The following MAGI2 variants were observed in gnomAD, a reference collection of about 807,000 sequenced individuals.
MAGI2 encodes membrane-associated guanylate kinase, WW and PDZ domain-containing protein 2.
Under a neutral mutation model 133.3 loss-of-function variants are expected in MAGI2, and 35 were observed. That is an observed-to-expected ratio of 0.26 (90% confidence interval 0.20 to 0.35). The LOEUF is 0.35. Ranked by LOEUF, MAGI2 falls within the 10% of genes least tolerant of loss-of-function variation. MAGI2 has a pLI of 1.00. For missense variants in MAGI2, 1,636 were observed against 1,863.4 expected (o/e 0.88, Z 2.25); for synonymous variants, 729 against 710.6 (o/e 1.03, Z -0.41).
At chr7:78,469,220 G>A (rs1357105837) in intron 6 of MAGI2, among the ~76,000 whole-genome samples, 3 of 152,090 alleles carry the variant, frequency 2.0e-5, no homozygotes, top group African/African-American at 7.2e-5. Flanking sequence ...ATAGGCTAAC[G>A]TAACTGACTA....
intron 2 of MAGI2, among the ~76,000 whole-genome samples, chr7:78,972,259 A>T (rs1364509135): frequency 6.6e-6 from 1 of 151,948 alleles, no homozygotes; most frequent in Non-Finnish European, 1.5e-5. Flanking sequence ...TTCTCTAAAT[A>T]TTTTTAAAAA....
intron 1 of MAGI2, among the ~76,000 whole-genome samples, chr7:79,259,323 A>T (rs1833914886): frequency 1.3e-5 from 2 of 152,226 alleles, no homozygotes; most frequent in South Asian, 2.1e-4. Context: ...TTTTAAGCTG[A>T]ATGGCACCTT....
intron 1 of MAGI2, among the ~76,000 whole-genome samples, chr7:79,008,191 A>G (rs1562780473): frequency 6.6e-6 from 1 of 152,166 alleles, no homozygotes; most frequent in Non-Finnish European, 1.5e-5. Context: ...ACAAACAATT[A>G]AAGATAGAAG....
chr7:78,935,010 T>A (rs192319540), intron 2 of MAGI2, among the ~76,000 whole-genome samples: 169 of 152,282 alleles, frequency 1.1e-3, no homozygotes, highest in Admixed American at 2.1e-3. Flanking sequence ...TCCCCAGGTA[T>A]TTGCTTCAGT....
chr7:78,241,786 T>C (rs1158781848), intron 10 of MAGI2, among the ~76,000 whole-genome samples: 3 of 151,742 alleles, frequency 2.0e-5, no homozygotes, highest in African/African-American at 7.2e-5. Context: ...TAAAAAAAAT[T>C]AGCAGGGTGT....
At chr7:78,763,242 T>A (rs139385746) in intron 2 of MAGI2, among the ~76,000 whole-genome samples, 4,675 of 152,300 alleles carry the variant, frequency 0.031, 93 homozygotes, top group Non-Finnish European at 0.047. Flanking sequence ...GAAAGACTTA[T>A]GATTCCCAGA....
At chr7:78,203,756 AATT>A (rs1470930279) in intron 10 of MAGI2, among the ~76,000 whole-genome samples, 2 of 152,232 alleles carry the variant, frequency 1.3e-5, no homozygotes, top group Non-Finnish European at 2.9e-5. Context: ...GTATCTGTCA[AATT>A]ATTAATCATG....
rs182146704 is a variant in MAGI2 at position 78,840,810 on chromosome 7, A to G, written c.418+166280T>C. Among the ~76,000 whole-genome samples, 1,014 of 144,492 alleles carry G rather than the reference A, an allele frequency of 7.0e-3. 11 individuals carry two copies. Among genetic ancestry groups the G allele is most frequent in the African/African-American group, 0.024 (961 of 39,374 alleles). 94.8% of individuals were successfully genotyped at this position (144,492 alleles called of 152,430 possible). ...ATTTATTAGCTGTGTACCCTTGGGC[A>G]AATTATTAAAACTTTCTGAATCTCC... On this transcript the variant is annotated intron_variant, in intron 2 of 21. Coordinates refer to ENST00000354212, the MANE Select transcript of MAGI2 (RefSeq NM_012301.4).
chr7:79,126,037 T>C lies in MAGI2; in HGVS notation c.302-118831A>G, dbSNP rs563795001. Among the ~76,000 whole-genome samples, 11 of 152,368 alleles carry C rather than the reference T, an allele frequency of 7.2e-5. No individual in the cohort carries two copies. The South Asian group carries it at 2.1e-3, about 29-fold the overall frequency. On this transcript the variant is annotated intron_variant, in intron 1 of 21. Coordinates refer to ENST00000354212, the MANE Select transcript of MAGI2 (RefSeq NM_012301.4). ...TATAACAGGTTATTTTAGTTTCTGT[T>C]CTGTGAAAAGTGTAAAGCATTCCAA...
In MAGI2 at chr7:79,058,840, T is replaced by G. The variant is rs1264207215; in HGVS notation, c.302-51634A>C. Among the ~76,000 whole-genome samples, 6 of 152,264 alleles carry G rather than the reference T, an allele frequency of 3.9e-5. No individual in the cohort carries two copies. The South Asian group carries it at 1.2e-3, about 31-fold the overall frequency. ...TTAGGCAGAGTTAAAATACCAGTGA[T>G]GCAGGGCACCCCTGGGTAAATTACT... On this transcript the variant is annotated intron_variant, in intron 1 of 21. Transcript: ENST00000354212.
At chr7:78,740,166 A>C (rs544540185) in intron 2 of MAGI2, among the ~76,000 whole-genome samples, 93 of 151,886 alleles carry the variant, frequency 6.1e-4, no homozygotes, top group African/African-American at 1.4e-3. Flanking sequence ...GTCTAAAAAA[A>C]AAAAAACAAA....
intron 21 of MAGI2, among the ~76,000 whole-genome samples, chr7:78,058,003 A>ATATATATATATATATGTGTG: frequency 8.5e-6 from 1 of 117,028 alleles, no homozygotes. Flanking sequence ...ATATATATAT[A>ATATATATATATATATGTGTG]TGTATGAGAA....
chr7:78,099,088 T>C (rs960918138), intron 20 of MAGI2, among the ~76,000 whole-genome samples: 2 of 152,156 alleles, frequency 1.3e-5, no homozygotes, highest in Non-Finnish European at 2.9e-5. Context: ...TTAAGAACAA[T>C]ACCTATGCTT....
intron 1 of MAGI2, among the ~76,000 whole-genome samples, chr7:79,260,337 C>G (rs1585356218): frequency 6.6e-6 from 1 of 151,968 alleles, no homozygotes; most frequent in Non-Finnish European, 1.5e-5. Flanking sequence ...GCCTGGGTGA[C>G]ACAGTGAGAC....
At chr7:78,296,482 A>T (rs1797256533) in intron 9 of MAGI2, among the ~76,000 whole-genome samples, 1 of 151,968 alleles carries the variant, frequency 6.6e-6, no homozygotes. Context: ...CTTCATTAGC[A>T]CTTCTGACAT....
chr7:78,863,148 T>A (rs1161265890), intron 2 of MAGI2, among the ~76,000 whole-genome samples: 2 of 152,132 alleles, frequency 1.3e-5, no homozygotes, highest in Non-Finnish European at 2.9e-5. Context: ...CTATTTAACT[T>A]TGGATAAAAA....
At chr7:78,511,824 A>C (rs1478317671) in intron 4 of MAGI2, among the ~76,000 whole-genome samples, 1 of 151,576 alleles carries the variant, frequency 6.6e-6, no homozygotes. Flanking sequence ...GGCTGGGCGC[A>C]GTGGCTCATG....
chr7:78,048,792 T>C (rs1469375118), intron 21 of MAGI2, among the ~76,000 whole-genome samples: 1 of 152,184 alleles, frequency 6.6e-6, no homozygotes, highest in Non-Finnish European at 1.5e-5. Flanking sequence ...CCAATGAATA[T>C]AAGGAAAGCT....
intron 3 of MAGI2, among the ~76,000 whole-genome samples, chr7:78,535,104 C>A (rs1056090588): frequency 5.3e-5 from 8 of 152,030 alleles, no homozygotes; most frequent in African/African-American, 1.5e-4. Flanking sequence ...TGCACTCCAG[C>A]CTGGGTGACA....
Sources: gnomAD v4.1 joint callset for allele counts (sites outside exome capture counted in the v4.1 genomes callset) on GRCh38, gnomAD v4.1.1 for gene constraint, MANE v1.5 for transcripts, NCBI Gene and HGNC (gene_info 2026-07-23, HGNC 2026-07-21) for gene names.